CTNNA3: variants seen among roughly 807,000 people sequenced by gnomAD.
CTNNA3 encodes the protein catenin alpha 3, also known as catenin alpha-3.
CTNNA3 carries 76 observed loss-of-function variants against 95.7 expected under a neutral mutation model. The ratio of observed to expected loss-of-function variants is 0.79; its 90% CI spans 0.66 to 0.96. CTNNA3 has a LOEUF of 0.96. Among genes scored for constraint, CTNNA3 ranks in the 40% least tolerant of loss-of-function variants. The pLI, the probability that CTNNA3 is intolerant of heterozygous loss-of-function variation, is 0.00. For missense variants in CTNNA3, 1,191 were observed against 1,089.8 expected (o/e 1.09, Z -1.31); for synonymous variants, 431 against 374.4 (o/e 1.15, Z -1.74).
At chr10:66,296,512 G>A (rs2091778948) in intron 12 of CTNNA3, among the ~76,000 whole-genome samples, 2 of 151,520 alleles carry the variant, frequency 1.3e-5, no homozygotes, top group African/African-American at 2.4e-5. Context: ...AAATAGCCAA[G>A]GTTAGAATAA....
chr10:66,834,097 G>T (rs1430905605), intron 7 of CTNNA3, among the ~76,000 whole-genome samples: 1 of 152,136 alleles, frequency 6.6e-6, no homozygotes, highest in African/African-American at 2.4e-5. Flanking sequence ...CCTAGATAGA[G>T]AATGCCAATA....
At chr10:67,314,294 ACTAT>A (rs1352793698) in intron 5 of CTNNA3, among the ~76,000 whole-genome samples, 5 of 152,218 alleles carry the variant, frequency 3.3e-5, no homozygotes, top group African/African-American at 1.2e-4. Flanking sequence ...TTTTCGCATG[ACTAT>A]CTATAAAACT....
intron 3 of CTNNA3, among the ~76,000 whole-genome samples, chr10:67,550,443 A>C (rs1840984182): frequency 6.6e-6 from 1 of 152,176 alleles, no homozygotes; most frequent in Admixed American, 6.5e-5. Flanking sequence ...TGAGCAAGTC[A>C]CATAATTTTT....
At chr10:67,084,611 G>T (rs960746346) in intron 7 of CTNNA3, among the ~76,000 whole-genome samples, 1 of 151,834 alleles carries the variant, frequency 6.6e-6, no homozygotes, top group Non-Finnish European at 1.5e-5. Flanking sequence ...CAAGATTCAT[G>T]ATCAGTCCTG....
At chr10:66,544,587 CTT>C (rs1267626177) in intron 10 of CTNNA3, among the ~76,000 whole-genome samples, 1 of 152,046 alleles carries the variant, frequency 6.6e-6, no homozygotes, top group African/African-American at 2.4e-5. Flanking sequence ...TAATAAATCT[CTT>C]GATTATTCTG....
At chr10:66,832,001 A>T (rs1362821018) in intron 7 of CTNNA3, among the ~76,000 whole-genome samples, 1 of 152,232 alleles carries the variant, frequency 6.6e-6, no homozygotes, top group Non-Finnish European at 1.5e-5. Flanking sequence ...AAAGGAATGA[A>T]TTTGGTCAGG....
In CTNNA3 at chr10:66,192,792, C is replaced by A. The variant is rs551479279; in HGVS notation, c.1884+87678G>T. ...TCCCCAGCTTGGTATAAATAAATTT[C>A]TTTGCATATATTTTGCCTTACACTT... On this transcript the variant is annotated intron_variant, in intron 13 of 17. Coordinates refer to ENST00000433211, the MANE Select transcript of CTNNA3 (RefSeq NM_013266.4). Among the ~76,000 whole-genome samples, 11 of 152,136 alleles carry A rather than the reference C, an allele frequency of 7.2e-5. No homozygotes were observed. The East Asian group carries it at 2.1e-3, about 29-fold the overall frequency.
At chr10:67,420,564 G>A (rs930313438) in intron 5 of CTNNA3, among the ~76,000 whole-genome samples, 2 of 152,032 alleles carry the variant, frequency 1.3e-5, no homozygotes, top group Admixed American at 6.6e-5. Context: ...GGGTTCAATG[G>A]GCTAATACAT....
At chr10:67,474,818 T>C (rs1422375259) in intron 5 of CTNNA3, among the ~76,000 whole-genome samples, 2 of 152,206 alleles carry the variant, frequency 1.3e-5, no homozygotes, top group Non-Finnish European at 1.5e-5. Flanking sequence ...TCTTATTCAT[T>C]GCTGCTGGGA....
rs568015458 is a variant in CTNNA3, at chr10:67,188,977, C to T, written c.844-8457G>A. Among the ~76,000 whole-genome samples, 7 of 151,924 alleles carry T rather than the reference C, an allele frequency of 4.6e-5. No homozygotes were observed. In the South Asian group the frequency reaches 1.0e-3, roughly 23 times the overall value. ...ACAAAACATACAAAAATTAGCCAGG[C>T]GTGGTGGCGCATGCCTGTAGTTCCA... On this transcript the variant is annotated intron_variant, in intron 6 of 17. Coordinates refer to ENST00000433211, the MANE Select transcript of CTNNA3 (RefSeq NM_013266.4).
chr10:67,321,152 C>T (rs1841304395), intron 5 of CTNNA3, among the ~76,000 whole-genome samples: 1 of 152,044 alleles, frequency 6.6e-6, no homozygotes, highest in Admixed American at 6.6e-5. Context: ...AACTGTAAAA[C>T]CTCAAAGGTA....
intron 12 of CTNNA3, among the ~76,000 whole-genome samples, chr10:66,297,528 A>G (rs1327376557): frequency 6.6e-6 from 1 of 152,118 alleles, no homozygotes; most frequent in East Asian, 1.9e-4. Context: ...TCTGAGAGAA[A>G]CATTGCATTT....
intron 11 of CTNNA3, among the ~76,000 whole-genome samples, chr10:66,479,045 T>C (rs1839423594): frequency 8.8e-6 from 1 of 113,304 alleles, no homozygotes; most frequent in Non-Finnish European, 1.6e-5. Flanking sequence ...TTTGTTTCTT[T>C]ATTTAGATCT....
intron 1 of CTNNA3, among the ~76,000 whole-genome samples, chr10:67,675,914 G>A (rs1003446535): frequency 6.6e-6 from 1 of 151,898 alleles, no homozygotes; most frequent in Non-Finnish European, 1.5e-5. Context: ...TGTTTTGGGA[G>A]TCTTATTTAA....
At chr10:67,396,509 C>T (rs1426418081) in intron 5 of CTNNA3, among the ~76,000 whole-genome samples, 1 of 152,102 alleles carries the variant, frequency 6.6e-6, no homozygotes, top group Non-Finnish European at 1.5e-5. Context: ...TCAAACCCCA[C>T]ACAGATTTTC....
chr10:66,454,969 A>G (rs770274926), intron 11 of CTNNA3, among the ~76,000 whole-genome samples: 12 of 152,170 alleles, frequency 7.9e-5, no homozygotes, highest in Non-Finnish European at 1.3e-4. Context: ...AGTCTGGCCA[A>G]TATTTTGGCA....
At chr10:66,849,715 T>C (rs987366153) in intron 7 of CTNNA3, among the ~76,000 whole-genome samples, 2 of 152,082 alleles carry the variant, frequency 1.3e-5, no homozygotes, top group East Asian at 1.9e-4. Flanking sequence ...AAGAATTCTT[T>C]CCTAGAACTG....
intron 7 of CTNNA3, among the ~76,000 whole-genome samples, chr10:67,177,698 T>G (rs890818580): frequency 4.6e-5 from 7 of 152,208 alleles, no homozygotes; most frequent in African/African-American, 1.7e-4. Context: ...TCATTAAAAC[T>G]GATGCAACAG....
intron 10 of CTNNA3, among the ~76,000 whole-genome samples, chr10:66,569,923 A>C (rs1842817991): frequency 6.6e-6 from 1 of 152,290 alleles, no homozygotes; most frequent in Middle Eastern, 3.4e-3. Flanking sequence ...GATATTTGTT[A>C]AATGTTTTCT....
Sources: gnomAD v4.1 joint callset for allele counts (sites outside exome capture counted in the v4.1 genomes callset) on GRCh38, gnomAD v4.1.1 for gene constraint, MANE v1.5 for transcripts, NCBI Gene and HGNC (gene_info 2026-07-23, HGNC 2026-07-21) for gene names.